Variants in EPB41L2 observed in about 807,000 individuals in gnomAD.
The protein encoded by EPB41L2 is band 4.1-like protein 2.
In EPB41L2, 43 loss-of-function variants were observed where a neutral mutation model predicts 113.0. The ratio of observed to expected loss-of-function variants is 0.38; its 90% CI spans 0.30 to 0.49. The LOEUF is 0.49. Ranked by LOEUF, EPB41L2 falls within the 20% of genes least tolerant of loss-of-function variation. EPB41L2 has a pLI of 0.95. For synonymous variants in EPB41L2, 442 were observed against 436.7 expected, an observed-to-expected ratio of 1.01 and a Z score of -0.15; for missense variants, 1,147 against 1,223.4, an observed-to-expected ratio of 0.94 and a Z score of 0.93.
At chr6:131,056,225 C>T (rs1797560411) in intron 1 of EPB41L2, among the ~76,000 whole-genome samples, 1 of 152,144 alleles carries the variant, frequency 6.6e-6, no homozygotes, top group Non-Finnish European at 1.5e-5. Context: ...TAAACATTGT[C>T]AACAAAAATT....
intron 1 of EPB41L2, among the ~76,000 whole-genome samples, chr6:130,967,034 T>C (rs2128645576): frequency 6.6e-6 from 1 of 152,282 alleles, no homozygotes; most frequent in Non-Finnish European, 1.5e-5. Flanking sequence ...ACACCCAAGC[T>C]TTTAGTGCAG....
chr6:130,999,648 A>C (rs1000028161), intron 1 of EPB41L2, among the ~76,000 whole-genome samples: 4 of 152,172 alleles, frequency 2.6e-5, no homozygotes, highest in African/African-American at 9.7e-5. Context: ...TAGCTTCAAA[A>C]AGGTATCAAA....
intron 3 of EPB41L2, among the ~76,000 whole-genome samples, chr6:130,936,450 T>G (rs118175498): frequency 6.6e-6 from 1 of 152,210 alleles, no homozygotes; most frequent in Non-Finnish European, 1.5e-5. Context: ...TATTTTTAAA[T>G]CTTGTGGGGT....
At chr6:130,874,060 G>A (rs949873527) in intron 14 of EPB41L2, among the ~76,000 whole-genome samples, 59 of 152,188 alleles carry the variant, frequency 3.9e-4, no homozygotes, top group Middle Eastern at 6.8e-3. Flanking sequence ...ACCTTCAAAA[G>A]TACCTTACAA....
intron 1 of EPB41L2, among the ~76,000 whole-genome samples, chr6:130,987,244 T>C (rs1453632831): frequency 6.6e-6 from 1 of 152,240 alleles, no homozygotes; most frequent in Non-Finnish European, 1.5e-5. Flanking sequence ...CATATACTTA[T>C]GAGCAGAACT....
intron 1 of EPB41L2, among the ~76,000 whole-genome samples, chr6:130,990,337 T>C (rs1189889194): frequency 6.9e-6 from 1 of 145,754 alleles, no homozygotes; most frequent in Non-Finnish European, 1.5e-5. Context: ...AAAAAGCCAA[T>C]AGTGGAAAGA....
At chr6:130,982,683 G>C (rs549443207) in intron 1 of EPB41L2, among the ~76,000 whole-genome samples, 1 of 152,192 alleles carries the variant, frequency 6.6e-6, no homozygotes, top group African/African-American at 2.4e-5. Context: ...TTTTTTGTTG[G>C]AGTCATTGTT....
At chr6:131,051,452 C>CCAAA (rs1796515934) in intron 1 of EPB41L2, among the ~76,000 whole-genome samples, 2 of 101,802 alleles carry the variant, frequency 2.0e-5, no homozygotes, top group Non-Finnish European at 3.7e-5. Context: ...AAAAGTAAAG[C>CCAAA]AAAAAAAAAA....
At chr6:130,922,519 C>G (rs973555504) in intron 4 of EPB41L2, among the ~76,000 whole-genome samples, 10 of 152,066 alleles carry the variant, frequency 6.6e-5, no homozygotes, top group Admixed American at 1.3e-4. Context: ...CAGTTTTTTG[C>G]CTGAATTTGA....
intron 1 of EPB41L2, among the ~76,000 whole-genome samples, chr6:131,054,030 T>A (rs1192603190): frequency 6.6e-6 from 1 of 152,174 alleles, no homozygotes; most frequent in Non-Finnish European, 1.5e-5. Flanking sequence ...TCTTGATCTA[T>A]CCCCATGTCA....
chr6:130,896,745 G>A (rs1270776908), intron 8 of EPB41L2, among the ~76,000 whole-genome samples: 1 of 152,204 alleles, frequency 6.6e-6, no homozygotes, highest in East Asian at 1.9e-4. Context: ...TGTAAGTTAT[G>A]CCACATGGTA....
intron 10 of EPB41L2, among the ~76,000 whole-genome samples, chr6:130,892,946 A>G (rs141224521): frequency 2.0e-5 from 3 of 152,330 alleles, no homozygotes; most frequent in South Asian, 2.1e-4. Context: ...GTATTAGACC[A>G]TAAGTCCAGA....
At chr6:130,889,704 A>C (rs1040664413) in intron 11 of EPB41L2, among the ~76,000 whole-genome samples, 4 of 152,196 alleles carry the variant, frequency 2.6e-5, no homozygotes, top group African/African-American at 9.6e-5. Context: ...TTTTGCCATT[A>C]ATTAAAAGGT....
At chr6:131,020,240 T>A (rs1789142815) in intron 1 of EPB41L2, among the ~76,000 whole-genome samples, 1 of 152,220 alleles carries the variant, frequency 6.6e-6, no homozygotes, top group Non-Finnish European at 1.5e-5. Context: ...CATTTTCGCT[T>A]TTTTTCATAC....
At chr6:130,977,623 T>C (rs1778476497) in intron 1 of EPB41L2, among the ~76,000 whole-genome samples, 1 of 152,138 alleles carries the variant, frequency 6.6e-6, no homozygotes, top group Non-Finnish European at 1.5e-5. Context: ...AAAAATGCCA[T>C]AACCTCCCTC....
intron 14 of EPB41L2, among the ~76,000 whole-genome samples, chr6:130,871,476 G>A (rs899729287): frequency 6.6e-6 from 1 of 152,116 alleles, no homozygotes; most frequent in Non-Finnish European, 1.5e-5. Context: ...AACTGGACTG[G>A]AGCCTCTAAT....
chr6:130,976,236 T>C (rs1423380861), intron 1 of EPB41L2, among the ~76,000 whole-genome samples: 1 of 152,220 alleles, frequency 6.6e-6, no homozygotes, highest in Non-Finnish European at 1.5e-5. Flanking sequence ...CATAGGATCA[T>C]TGATACTGAC....
At chr6:130,944,628 A>T (rs947017027) in intron 3 of EPB41L2, among the ~76,000 whole-genome samples, 2 of 152,368 alleles carry the variant, frequency 1.3e-5, no homozygotes, top group East Asian at 3.9e-4. Flanking sequence ...TTGGAAACTA[A>T]GATAGGCAGG....
chr6:130,974,882 C>T (rs1163312258), intron 1 of EPB41L2, among the ~76,000 whole-genome samples: 2 of 151,870 alleles, frequency 1.3e-5, no homozygotes, highest in South Asian at 2.1e-4. Flanking sequence ...CTCAGCCTCC[C>T]GAGTACCTGG....
Sources: gnomAD v4.1 joint callset for allele counts (sites outside exome capture counted in the v4.1 genomes callset) on GRCh38, gnomAD v4.1.1 for gene constraint, MANE v1.5 for transcripts, NCBI Gene and HGNC (gene_info 2026-07-23, HGNC 2026-07-21) for gene names.